The following NOVA2 variants were observed in gnomAD, a reference collection of about 807,000 sequenced individuals.
NOVA2 encodes the protein NOVA alternative splicing regulator 2.
NOVA2 carries 9 observed loss-of-function variants against 22.5 expected under a neutral mutation model. The observed-to-expected ratio is 0.40, with a 90% CI of 0.24 to 0.70. The LOEUF (loss-of-function observed/expected upper bound fraction) is 0.70, where lower values mean the gene tolerates loss of function less well. Ranked by LOEUF, NOVA2 falls within the 30% of genes least tolerant of loss-of-function variation. The pLI, the probability that NOVA2 is intolerant of heterozygous loss-of-function variation, is 0.38. For synonymous variants in NOVA2, 318 were observed against 335.2 expected (o/e 0.95, Z 0.56); for missense variants, 383 against 682.8 (o/e 0.56, Z 4.89).
chr19:45,950,204 G>A (rs1280465648), intron 3 of NOVA2, among the ~76,000 whole-genome samples: 1 of 148,824 alleles, frequency 6.7e-6, no homozygotes, highest in Non-Finnish European at 1.5e-5. Flanking sequence ...TGTCACCCAG[G>A]TTGGAGTGCA....
chr19:45,964,213 CTT>C (rs1475639114), intron 1 of NOVA2, among the ~76,000 whole-genome samples: 13 of 120,328 alleles, frequency 1.1e-4, no homozygotes, highest in African/African-American at 3.7e-4. Flanking sequence ...CAATCTCGCT[CTT>C]GTCACCCAGG....
intron 1 of NOVA2, among the ~76,000 whole-genome samples, chr19:45,964,585 T>TCTCTCTCTCTCTC (rs1398689110): frequency 3.4e-4 from 6 of 17,460 alleles, no homozygotes; most frequent in South Asian, 3.0e-3. Flanking sequence ...CTCTCTCTCT[T>TCTCTCTCTCTCTC]TCTCTTTCTC....
Position 45,940,559 on chromosome 19 carries a change from C to T in NOVA2, c.783G>A (p.Val261=), listed in dbSNP as rs1408372459. 6.8e-7 allele frequency: 1 copy of T among 1,465,522 alleles called. No homozygotes were observed. Among genetic ancestry groups the T allele is most frequent in the Non-Finnish European group, 9.0e-7 (1 of 1,110,444 alleles). The allele number at this position is 1,465,522 out of a possible 1,614,324, so 90.8% of individuals were successfully genotyped here. ...CGGGCAGCGCGGCGGGAAAGGCCCC[C>T]ACGCCAGCCAGCCCGGCGGGGCCCA... ...GLLGPAGLAG[V]GAFPAALPAF... The change falls in exon 4 of 4, where the codon GTG becomes GTA. Residue 261 remains valine (V), a synonymous_variant. Coordinates refer to ENST00000263257, the MANE Select transcript of NOVA2 (RefSeq NM_002516.4).
At chr19:45,956,724 G>T (rs930727344) in intron 2 of NOVA2, among the ~76,000 whole-genome samples, 3 of 152,210 alleles carry the variant, frequency 2.0e-5, no homozygotes, top group African/African-American at 7.2e-5. Flanking sequence ...CCAAAGTGCT[G>T]GGATTACAGA....
At chr19:45,944,130 CTATT>C (rs1374007286) in intron 3 of NOVA2, among the ~76,000 whole-genome samples, 2 of 152,162 alleles carry the variant, frequency 1.3e-5, no homozygotes, top group Admixed American at 6.5e-5. Context: ...GTGGTCCTGA[CTATT>C]TATTTACATA....
rs181032455 is a variant in NOVA2 at position 45,956,835 on chromosome 19, G to A, written c.230-2889C>T. Among the ~76,000 whole-genome samples, 183 of 152,276 alleles carry A rather than the reference G, an allele frequency of 1.2e-3. 1 individual carries two copies. Among genetic ancestry groups the A allele is most frequent in the African/African-American group, 3.9e-3 (163 of 41,562 alleles). On this transcript the variant is annotated intron_variant, in intron 2 of 3. Transcript: ENST00000263257. ...TTGTCCCTGATTCCCTGCTAAGGACGCCGAGGCACAGAGAGGGCTCAAGAT... is the reference window on the plus strand; with the variant it reads ...TTGTCCCTGATTCCCTGCTAAGGACACCGAGGCACAGAGAGGGCTCAAGAT...
In NOVA2 at chr19:45,936,553, A is replaced by C. The variant is rs1967655358; in HGVS notation, c.*3310T>G. 6.6e-6 allele frequency: 1 copy of C among 151,254 alleles called. No homozygotes were observed. Among genetic ancestry groups the C allele is most frequent in the South Asian group, 2.1e-4 (1 of 4,784 alleles). The allele number at this position is 151,254 out of a possible 1,614,324, so 9.4% of individuals were successfully genotyped here. ...CCCCAGAGCGGCTCAGTTCCAAGGA[A>C]GTTTGGCACTTTTTTTTTTTTTTAA... On this transcript the variant is annotated 3_prime_UTR_variant, in exon 4 of 4. Transcript: ENST00000263257.
rs759381075 is a variant in NOVA2, at chr19:45,953,959, GGAGA to G, written c.230-17_230-14del. 6.2e-7 allele frequency: 1 copy of G among 1,613,448 alleles called. No individual in the cohort carries two copies. The highest frequency in any genetic ancestry group is 2.2e-5 in the East Asian group (1 of 44,864). On this transcript the variant is annotated splice_polypyrimidine_tract_variant and intron_variant, in intron 2 of 3. Coordinates refer to ENST00000263257, the MANE Select transcript of NOVA2 (RefSeq NM_002516.4). ...CGCTCTGTGGTTCCTGTTGAGCAAGGGAGAGAGAGGGCACACTCATGAGACAGGA... is the reference window on the plus strand; with the variant it reads ...CGCTCTGTGGTTCCTGTTGAGCAAGGGAGAGGGCACACTCATGAGACAGGA...
At chr19:45,971,697 T>C (rs1968234192) in intron 1 of NOVA2, among the ~76,000 whole-genome samples, 1 of 152,084 alleles carries the variant, frequency 6.6e-6, no homozygotes, top group Admixed American at 6.5e-5. Context: ...GCACTCTGCC[T>C]GAAGCCATCC....
At position 45,973,392 on chromosome 19, in the gene NOVA2, T is replaced by TGCGGCG. The variant is rs754177721; in HGVS notation, c.-47_-42dup. On this transcript the variant is annotated 5_prime_UTR_variant, in exon 1 of 4. Transcript: ENST00000263257. ...CGGCGGCTGCTGCTGCTGCGGCGGC[T>TGCGGCG]GCGGCGGCGGCGGCGGCGGCTGCTG... is the stretch of plus-strand genomic sequence containing the variant. 7 of 562,076 alleles carry TGCGGCG rather than the reference T, an allele frequency of 1.2e-5. No individual in the cohort carries two copies. The highest frequency in any genetic ancestry group is 8.3e-5 in the South Asian group (1 of 12,068). The allele number at this position is 562,076 out of a possible 1,614,324, so 34.8% of individuals were successfully genotyped here.
rs966649519 is a variant in NOVA2 at position 45,934,451 on chromosome 19, C to G, written c.*5412G>C. 2 of 152,280 alleles carry G rather than the reference C, an allele frequency of 1.3e-5. No homozygotes were observed. The highest frequency in any genetic ancestry group is 4.8e-5 in the African/African-American group (2 of 41,442). 9.4% of individuals were successfully genotyped at this position (152,280 alleles called of 1,614,324 possible). A position where few individuals can be genotyped will look rare whatever the true frequency, so the allele number is the denominator to read the frequency against. On this transcript the variant is annotated 3_prime_UTR_variant, in exon 4 of 4. Coordinates refer to ENST00000263257, the MANE Select transcript of NOVA2 (RefSeq NM_002516.4). ...TCCCAGACTACACCTTTCCACACCT[C>G]TCCCACCACCCTGCCGGGGAATCTA...
intron 1 of NOVA2, among the ~76,000 whole-genome samples, chr19:45,962,924 A>G (rs1303496105): frequency 6.6e-6 from 1 of 151,832 alleles, no homozygotes; most frequent in Non-Finnish European, 1.5e-5. Context: ...CTGGGATTAC[A>G]GGCGTGAGCC....
In NOVA2 at chr19:45,940,556, C is replaced by T. The variant is rs1427535739; in HGVS notation, c.786G>A (p.Gly262=). 1.4e-6 allele frequency: 2 copies of T among 1,471,218 alleles called. No individual in the cohort carries two copies. Among genetic ancestry groups the T allele is most frequent in the Non-Finnish European group, 1.8e-6 (2 of 1,113,392 alleles). The allele number at this position is 1,471,218 out of a possible 1,614,324, so 91.1% of individuals were successfully genotyped here. Residue 262 remains glycine (G), a synonymous_variant, in exon 4 of 4, where the codon GGG becomes GGA. Coordinates refer to ENST00000263257, the MANE Select transcript of NOVA2 (RefSeq NM_002516.4). ...LLGPAGLAGV[G]AFPAALPAFS... is the part of the protein sequence containing the mutation. The stretch of plus-strand genomic sequence containing the variant: ...AGGCGGGCAGCGCGGCGGGAAAGGC[C>T]CCCACGCCAGCCAGCCCGGCGGGGC...
In NOVA2 at chr19:45,973,377, TGCTGCTGCGGCG is replaced by T; in HGVS notation, c.-38_-27del. 1.3e-6 allele frequency: 1 copy of T among 784,380 alleles called. No homozygotes were observed. Among genetic ancestry groups the T allele is most frequent in the East Asian group, 4.1e-5 (1 of 24,686 alleles). 48.6% of individuals were successfully genotyped at this position (784,380 alleles called of 1,614,324 possible). A position where few individuals can be genotyped will look rare whatever the true frequency, so the allele number is the denominator to read the frequency against. Reference sequence around the variant, plus strand: ...GGGGGGGGCCTGGGGCGGCGGCTGCTGCTGCTGCGGCGGCTGCGGCGGCGGCGGCGGCGGCTG... The same window carrying T: ...GGGGGGGGCCTGGGGCGGCGGCTGCTGCTGCGGCGGCGGCGGCGGCGGCTG... On this transcript the variant is annotated 5_prime_UTR_variant, in exon 1 of 4. Coordinates refer to ENST00000263257, the MANE Select transcript of NOVA2 (RefSeq NM_002516.4).
chr19:45,947,446 A>G (rs1333704756), intron 3 of NOVA2, among the ~76,000 whole-genome samples: 1 of 149,396 alleles, frequency 6.7e-6, no homozygotes, highest in Non-Finnish European at 1.5e-5. Flanking sequence ...GGAAATGCTG[A>G]TTTGTAAAAT....
intron 3 of NOVA2, among the ~76,000 whole-genome samples, chr19:45,945,714 A>C (rs537216713): frequency 8.0e-4 from 121 of 152,172 alleles, no homozygotes; most frequent in Non-Finnish European, 1.6e-3. Context: ...ATGAATATGA[A>C]TAGTATTTCA....
At chr19:45,952,136 GA>G (rs1967935491) in intron 3 of NOVA2, among the ~76,000 whole-genome samples, 1 of 152,208 alleles carries the variant, frequency 6.6e-6, no homozygotes, top group South Asian at 2.1e-4. Flanking sequence ...GTCCAAGGCA[GA>G]AAAGAAGTAG....
chr19:45,940,474 C>T lies in NOVA2; in HGVS notation c.868G>A (p.Gly290Ser). The T allele has an allele frequency of 1.3e-6, 2 of 1,538,084 alleles. No individual in the cohort carries two copies. Among genetic ancestry groups the T allele is most frequent in the East Asian group, 2.7e-5 (1 of 36,386 alleles). Residue 290 changes from glycine to serine, a missense_variant, in exon 4 of 4, where the codon GGC (glycine) becomes AGC (serine). Physicochemically the swap from Gly to Ser is moderately conservative, Grantham distance 56. Around this residue, in one of 2 missense-constraint regions of NOVA2, gnomAD observed 349 missense variants for 578.1 expected, o/e 0.60. Coordinates refer to ENST00000263257, the MANE Select transcript of NOVA2 (RefSeq NM_002516.4). ...AGGCCCAGGGAGTTGGTGTTGTAGC[C>T]GTAACTTGCCAGCGTGTTAAGCGCC... ...STALNTLASY[G>S]YNTNSLGLGL...
In NOVA2 at chr19:45,938,830, T is replaced by C. The variant is rs1275263767; in HGVS notation, c.*1033A>G. 5 of 152,230 alleles carry C rather than the reference T, an allele frequency of 3.3e-5. No homozygotes were observed. Among genetic ancestry groups the C allele is most frequent in the African/African-American group, 1.2e-4 (5 of 41,440 alleles). The allele number at this position is 152,230 out of a possible 1,614,324, so 9.4% of individuals were successfully genotyped here. On this transcript the variant is annotated 3_prime_UTR_variant, in exon 4 of 4. Transcript: ENST00000263257. ...GTCACTGTCCAATACAGGAAGTACATGCTTCAGCCTAATGACATCACAGGA... is the reference window on the plus strand; with the variant it reads ...GTCACTGTCCAATACAGGAAGTACACGCTTCAGCCTAATGACATCACAGGA...
Sources: gnomAD v4.1 joint callset for allele counts (sites outside exome capture counted in the v4.1 genomes callset) on GRCh38, gnomAD v4.1.1 for gene constraint, gnomAD v4.1.1 regional missense constraint, MANE v1.5 for transcripts, NCBI Gene and HGNC (gene_info 2026-07-23, HGNC 2026-07-21) for gene names.